Variants in CCDC57 observed in about 807,000 individuals in gnomAD.
The protein encoded by CCDC57 is coiled-coil domain containing 57.
CCDC57 carries 118 observed loss-of-function variants against 118.9 expected under a neutral mutation model. The observed-to-expected ratio is 0.99, with a 90% CI of 0.86 to 1.16. CCDC57 has a LOEUF of 1.16. CCDC57 is among the 50% of genes most tolerant of loss of function. The pLI, the probability that CCDC57 is intolerant of heterozygous loss-of-function variation, is 0.00. For synonymous variants in CCDC57, 527 were observed against 532.9 expected, an observed-to-expected ratio of 0.99 and a Z score of 0.15; for missense variants, 1,300 against 1,320.7, an observed-to-expected ratio of 0.98 and a Z score of 0.24.
chr17:82,121,652 CCA>C (rs896504901), intron 19 of CCDC57, among the ~76,000 whole-genome samples: 1 of 152,172 alleles, frequency 6.6e-6, no homozygotes, highest in African/African-American at 2.4e-5. Flanking sequence ...AAAGAGAATC[CCA>C]GAGGGGCCAC....
At chr17:82,154,810 C>T (rs1365242995) in intron 15 of CCDC57, 1 of 151,274 alleles carries the variant, frequency 6.6e-6, no homozygotes, top group East Asian at 2.0e-4. Context: ...AGCCCAGGGT[C>T]CCACGTGGCG....
intron 15 of CCDC57, chr17:82,154,794 G>A (rs2042484796): frequency 6.6e-6 from 1 of 152,090 alleles, no homozygotes; most frequent in African/African-American, 2.4e-5. Context: ...CGTCTCTCCT[G>A]TACAGAGCCC....
At chr17:82,109,750 G>A (rs541667923) in intron 19 of CCDC57, among the ~76,000 whole-genome samples, 4 of 151,706 alleles carry the variant, frequency 2.6e-5, no homozygotes, top group Admixed American at 2.6e-4. Context: ...CCACTTACTC[G>A]GGAGGCTGAG....
chr17:82,174,896 C>T (rs1427717243), intron 11 of CCDC57, among the ~76,000 whole-genome samples: 1 of 152,168 alleles, frequency 6.6e-6, no homozygotes, highest in Non-Finnish European at 1.5e-5. Flanking sequence ...TCCTCAGGGC[C>T]GAGAGAATTT....
At chr17:82,156,048 C>T (rs1055970254) in intron 15 of CCDC57, 1 of 152,130 alleles carries the variant, frequency 6.6e-6, no homozygotes, top group African/African-American at 2.4e-5. Context: ...GTAATCCCAC[C>T]ACTTTGGGGG....
At chr17:82,207,808 A>G (rs970513997) in intron 2 of CCDC57, 2 of 151,876 alleles carry the variant, frequency 1.3e-5, no homozygotes, top group African/African-American at 2.4e-5. Flanking sequence ...TTGGGTGTTT[A>G]TGTCTTGGGT....
intron 13 of CCDC57, among the ~76,000 whole-genome samples, chr17:82,163,588 G>T (rs1404462507): frequency 6.6e-6 from 1 of 152,120 alleles, no homozygotes; most frequent in Non-Finnish European, 1.5e-5. Flanking sequence ...ATCCTTGTAG[G>T]AAAAAGTCTG....
At chr17:82,183,429 C>A (rs765017137) in intron 9 of CCDC57, among the ~76,000 whole-genome samples, 30 of 152,054 alleles carry the variant, frequency 2.0e-4, no homozygotes, top group Non-Finnish European at 4.1e-4. Context: ...CAGCAATCCT[C>A]CTGCTTCTGC....
At chr17:82,163,053 C>A (rs2043535739) in intron 14 of CCDC57, 147 bp downstream of exon 13, 2 of 979,190 alleles carry the variant, frequency 2.0e-6, no homozygotes, top group African/African-American at 1.6e-5. Flanking sequence ...CTCCCCACAG[C>A]CCCTTCCTCA....
intron 19 of CCDC57, among the ~76,000 whole-genome samples, chr17:82,114,667 G>A (rs2035623553): frequency 6.6e-6 from 1 of 152,096 alleles, no homozygotes; most frequent in African/African-American, 2.4e-5. Context: ...CTTCTCAGTG[G>A]CGAGGTGTGG....
At chr17:82,140,092 T>C (rs985387886) in intron 16 of CCDC57, among the ~76,000 whole-genome samples, 5 of 152,208 alleles carry the variant, frequency 3.3e-5, no homozygotes, top group Admixed American at 1.3e-4. Context: ...GTTTTTTTTG[T>C]TTGTTTTTTT....
chr17:82,184,848 A>C (rs939901721), intron 8 of CCDC57: 2 of 152,326 alleles, frequency 1.3e-5, no homozygotes, highest in African/African-American at 4.8e-5. Context: ...GAAAAGAGAC[A>C]CCATCAAAGG....
At position 82,102,866 on chromosome 17, in the gene CCDC57, A is replaced by G. The variant is rs2034551596; in HGVS notation, c.2900-1000T>C. ...CGCCACTGCACTCCAGCCTGGGCGG[A>G]CAAGGGCAAACTCTATCTCAAAAAA... On this transcript the variant is annotated intron_variant, in intron 19 of 19. Coordinates refer to ENST00000665763, the Ensembl canonical transcript of CCDC57. Among the ~76,000 whole-genome samples, 3 of 150,858 alleles carry G rather than the reference A, an allele frequency of 2.0e-5. No individual in the cohort carries two copies. The East Asian group carries it at 5.8e-4, about 29-fold the overall frequency.
chr17:82,128,447 G>A (rs1426558135), intron 18 of CCDC57, 46 bp downstream of exon 17: 4 of 1,395,920 alleles, frequency 2.9e-6, no homozygotes, highest in East Asian at 2.5e-5. Context: ...TTCCCTGCTG[G>A]CCACACCCCA....
At chr17:82,127,943 C>T (rs1390408155) in intron 18 of CCDC57, 35 bp from the exon 18 acceptor site, 2 of 1,607,064 alleles carry the variant, frequency 1.2e-6, no homozygotes, top group East Asian at 2.2e-5. Context: ...AAGCCACCCT[C>T]TCCAACCCAG....
At chr17:82,188,328 TCTGCAGCTC>T in exon 8 of CCDC57, 1 of 1,607,934 alleles carries the variant, frequency 6.2e-7, no homozygotes, top group Non-Finnish European at 8.5e-7. Flanking sequence ...AGAACCCTGG[TCTGCAGCTC>T]CTGCAGCTGC....
chr17:82,209,005 G>A (rs1298186674), intron 1 of CCDC57, among the ~76,000 whole-genome samples: 1 of 152,100 alleles, frequency 6.6e-6, no homozygotes, highest in East Asian at 1.9e-4. Context: ...GTACTTATAG[G>A]TGTGAACCAC....
chr17:82,104,337 G>T (rs1213503082), intron 19 of CCDC57, among the ~76,000 whole-genome samples: 1 of 152,182 alleles, frequency 6.6e-6, no homozygotes, highest in Non-Finnish European at 1.5e-5. Flanking sequence ...CGGGCTGCTT[G>T]TGCTCTGGCC....
intron 19 of CCDC57, among the ~76,000 whole-genome samples, chr17:82,120,763 C>CT (rs926841264): frequency 1.3e-4 from 20 of 148,760 alleles, no homozygotes; most frequent in African/African-American, 3.4e-4. Context: ...TTCTTGCTTG[C>CT]TTTTTTTTTT....
Sources: gnomAD v4.1 joint callset for allele counts (sites outside exome capture counted in the v4.1 genomes callset) on GRCh38, gnomAD v4.1.1 for gene constraint, MANE v1.5 for transcripts, NCBI Gene and HGNC (gene_info 2026-07-23, HGNC 2026-07-21) for gene names.